ZNF69: variants seen among roughly 807,000 people sequenced by gnomAD.
The protein encoded by ZNF69 is ZNF3.
Under a neutral mutation model 50.9 loss-of-function variants are expected in ZNF69, and 47 were observed. The ratio of observed to expected loss-of-function variants is 0.92; its 90% CI spans 0.73 to 1.18. The LOEUF (loss-of-function observed/expected upper bound fraction) is 1.18. Among genes scored for constraint, ZNF69 ranks in the 50% most tolerant of loss-of-function variants. ZNF69 has a pLI of 0.00. For missense variants in ZNF69, 717 were observed against 675.1 expected, an observed-to-expected ratio of 1.06 and a Z score of -0.69; for synonymous variants, 216 against 223.1, an observed-to-expected ratio of 0.97 and a Z score of 0.29.
intron 1 of ZNF69, among the ~76,000 whole-genome samples, chr19:11,891,503 A>C (rs1249219737): frequency 6.6e-6 from 1 of 152,080 alleles, no homozygotes; most frequent in Non-Finnish European, 1.5e-5. Flanking sequence ...CATCCTCATA[A>C]AGCAAGTGGA....
chr19:11,896,112 G>A (rs969943688), intron 1 of ZNF69, among the ~76,000 whole-genome samples: 6 of 150,438 alleles, frequency 4.0e-5, no homozygotes, highest in East Asian at 3.9e-4. Context: ...CCAGCTACTT[G>A]GAAGGCTGAA....
downstream of ZNF69, among the ~76,000 whole-genome samples, chr19:11,914,703 A>T (rs62113969): frequency 0.18 from 27,898 of 152,170 alleles, 3,428 homozygotes; most frequent in Non-Finnish European, 0.27. Flanking sequence ...CCTTTAAGGT[A>T]CCAATGAAGC....
the ZNF69 span, among the ~76,000 whole-genome samples, chr19:11,935,805 C>T: frequency 6.6e-6 from 1 of 152,106 alleles, no homozygotes; most frequent in African/African-American, 2.4e-5. Context: ...TTTGTTGCAC[C>T]CATCAACTTG....
the ZNF69 span, among the ~76,000 whole-genome samples, chr19:11,974,326 A>G: frequency 6.6e-6 from 1 of 150,544 alleles, no homozygotes; most frequent in Non-Finnish European, 1.5e-5. Flanking sequence ...CCTCCCAAGT[A>G]GCTGGGATTA....
chr19:11,892,498 C>T (rs1423852327), intron 1 of ZNF69, among the ~76,000 whole-genome samples: 4 of 152,010 alleles, frequency 2.6e-5, no homozygotes, highest in African/African-American at 9.7e-5. Context: ...TGGCTCACAC[C>T]TGTAACCCCA....
At chr19:11,978,548 T>C in the ZNF69 span, 29,189 of 1,614,184 alleles carry the variant, frequency 0.018, 314 homozygotes, top group African/African-American at 0.026. Flanking sequence ...GTGGGAAAGC[T>C]GTCCATTGTC....
chr19:11,978,434 A>G, the ZNF69 span: 1 of 1,614,158 alleles, frequency 6.2e-7, no homozygotes, highest in Non-Finnish European at 8.5e-7. Flanking sequence ...CCGGAGAGAA[A>G]CCCTATGCTT....
At chr19:11,925,165 G>T in the ZNF69 span, 2 of 1,607,840 alleles carry the variant, frequency 1.2e-6, no homozygotes, top group Non-Finnish European at 1.7e-6. Context: ...GCCCGAGAGG[G>T]ACCTGGTGCC....
At chr19:11,917,133 T>C (rs1198205287), downstream of ZNF69, among the ~76,000 whole-genome samples, 1 of 152,176 alleles carries the variant, frequency 6.6e-6, no homozygotes, top group Non-Finnish European at 1.5e-5. Flanking sequence ...TGGGGCTGTG[T>C]TGGGTGAGCC....
chr19:11,978,774 T>C, the ZNF69 span: 1 of 1,614,168 alleles, frequency 6.2e-7, no homozygotes, highest in Non-Finnish European at 8.5e-7. Context: ...GGGAAAGCCA[T>C]ATGAATGTAA....
At chr19:11,916,948 T>C (rs879757507), downstream of ZNF69, among the ~76,000 whole-genome samples, 31 of 152,334 alleles carry the variant, frequency 2.0e-4, 1 homozygote, top group South Asian at 1.7e-3. Flanking sequence ...ATCCATGTCT[T>C]TGATTTGACT....
chr19:11,978,848 G>A, the ZNF69 span: 1 of 1,613,838 alleles, frequency 6.2e-7, no homozygotes, highest in East Asian at 2.2e-5. Context: ...CTCACACTGG[G>A]GAGAAGCCCT....
chr19:11,924,100 T>A, the ZNF69 span, among the ~76,000 whole-genome samples: 1 of 152,120 alleles, frequency 6.6e-6, no homozygotes, highest in Non-Finnish European at 1.5e-5. Context: ...GGGTTTGACA[T>A]GCATGGGGTC....
chr19:11,903,182 C>A (rs763912653), intron 1 of ZNF69, among the ~76,000 whole-genome samples: 57 of 152,020 alleles, frequency 3.7e-4, no homozygotes, highest in Non-Finnish European at 7.4e-4. Context: ...CGCCTGTAAT[C>A]CCAGCACTTT....
chr19:11,937,681 G>C, the ZNF69 span, among the ~76,000 whole-genome samples: 1 of 151,596 alleles, frequency 6.6e-6, no homozygotes, highest in Non-Finnish European at 1.5e-5. Context: ...GTAGAGACGG[G>C]GTTTCACCAT....
chr19:11,978,431 G>A, the ZNF69 span: 2 of 1,614,154 alleles, frequency 1.2e-6, no homozygotes, highest in African/African-American at 1.3e-5. Flanking sequence ...ACACCGGAGA[G>A]AAACCCTATG....
the ZNF69 span, among the ~76,000 whole-genome samples, chr19:11,967,149 A>G: frequency 6.6e-6 from 1 of 152,178 alleles, no homozygotes; most frequent in Non-Finnish European, 1.5e-5. Context: ...ACCCTGGGCA[A>G]CATAGCGAAA....
At chr19:11,932,450 AAACT>A in the ZNF69 span, among the ~76,000 whole-genome samples, 45 of 148,662 alleles carry the variant, frequency 3.0e-4, 3 homozygotes, top group African/African-American at 7.1e-4. Flanking sequence ...TGCATTCTAG[AAACT>A]AACTAAAAGT....
chr19:11,925,051 A>G, the ZNF69 span: 2 of 690,898 alleles, frequency 2.9e-6, no homozygotes, highest in Non-Finnish European at 4.8e-6. Context: ...ATCCAATCAG[A>G]GGTGCTGGGG....
Sources: allele counts gnomAD v4.1 joint callset (sites outside exome capture counted in the v4.1 genomes callset), GRCh38; gene constraint gnomAD v4.1.1; transcripts MANE v1.5; gene names NCBI Gene and HGNC (gene_info 2026-07-23, HGNC 2026-07-21).